The following CD226 variants were observed in gnomAD, a reference collection of about 807,000 sequenced individuals.
CD226 encodes CD226 antigen.
CD226 carries 24 observed loss-of-function variants against 34.9 expected under a neutral mutation model. That is an observed-to-expected ratio of 0.69 (90% CI 0.50 to 0.97). The LOEUF (loss-of-function observed/expected upper bound fraction) is 0.97, where lower values mean the gene tolerates loss of function less well. Ranked by LOEUF, CD226 falls within the 50% of genes least tolerant of loss-of-function variation. CD226 has a pLI of 0.00. For missense variants in CD226, 397 were observed against 412.7 expected, an observed-to-expected ratio of 0.96 and a Z score of 0.33; for synonymous variants, 148 against 147.4, an observed-to-expected ratio of 1.00 and a Z score of -0.03.
At chr18:69,883,890 C>T (rs1984409442) in intron 3 of CD226, among the ~76,000 whole-genome samples, 1 of 152,262 alleles carries the variant, frequency 6.6e-6, no homozygotes, top group Non-Finnish European at 1.5e-5. Context: ...ACACAGCTTT[C>T]AGCCTGTACC....
In CD226 at chr18:69,861,766, T is replaced by G. The variant is rs981910759; in HGVS notation, c.*2548A>C. On this transcript the variant is annotated 3_prime_UTR_variant, in exon 6 of 6. Coordinates refer to ENST00000582621, the MANE Select transcript of CD226 (RefSeq NM_001303618.2). ...CATACACTAGGGAGAGTCCCAAAAC[T>G]ATCACGAATTAAGAATGATGTTAAA... 3 of 151,706 alleles carry G rather than the reference T, an allele frequency of 2.0e-5. No homozygotes were observed. The highest frequency in any genetic ancestry group is 4.4e-5 in the Non-Finnish European group (3 of 67,876). 9.4% of individuals were successfully genotyped at this position (151,706 alleles called of 1,614,324 possible).
chr18:69,941,956 TG>T (rs1190374753), intron 2 of CD226, among the ~76,000 whole-genome samples: 2 of 152,212 alleles, frequency 1.3e-5, no homozygotes, highest in Admixed American at 1.3e-4. Flanking sequence ...GTCACCTTCA[TG>T]CTGTTCTGGT....
intron 3 of CD226, among the ~76,000 whole-genome samples, chr18:69,873,955 C>T (rs1790943): frequency 0.97 from 148,290 of 152,306 alleles, 72,337 homozygotes; most frequent in East Asian, 1. Context: ...GAATATAACT[C>T]TGATGTTTAT....
chr18:69,938,328 A>C (rs2055680593), intron 2 of CD226, among the ~76,000 whole-genome samples: 1 of 152,148 alleles, frequency 6.6e-6, no homozygotes, highest in Non-Finnish European at 1.5e-5. Context: ...TATGCCCTCT[A>C]CATTCTTTAA....
At position 69,861,915 on chromosome 18, in the gene CD226, T is replaced by G. The variant is rs1048876054; in HGVS notation, c.*2399A>C. 1.3e-5 allele frequency: 2 copies of G among 152,084 alleles called. No individual in the cohort carries two copies. The highest frequency in any genetic ancestry group is 1.9e-4 in the East Asian group (1 of 5,180). 9.4% of individuals were successfully genotyped at this position (152,084 alleles called of 1,614,324 possible). A position where few individuals can be genotyped will look rare whatever the true frequency, so the allele number is the denominator to read the frequency against. ...GCATCAGAAGACGTCAGAGAATTTT[T>G]GGGAGGACTTCAGATGGCTCCAAAT... On this transcript the variant is annotated 3_prime_UTR_variant, in exon 6 of 6. Coordinates refer to ENST00000582621, the MANE Select transcript of CD226 (RefSeq NM_001303618.2).
intron 2 of CD226, among the ~76,000 whole-genome samples, chr18:69,931,222 G>A (rs965821903): frequency 1.3e-5 from 2 of 152,002 alleles, no homozygotes; most frequent in African/African-American, 2.4e-5. Flanking sequence ...TCACACACCA[G>A]GAACTGTTGT....
chr18:69,961,118 A>G (rs934910314), upstream of CD226, among the ~76,000 whole-genome samples: 14 of 152,238 alleles, frequency 9.2e-5, no homozygotes, highest in Admixed American at 2.6e-4. Context: ...GCTTTATTGT[A>G]TATCCTATCC....
chr18:69,891,935 G>A (rs1219967376), intron 3 of CD226, among the ~76,000 whole-genome samples: 5 of 152,186 alleles, frequency 3.3e-5, no homozygotes, highest in East Asian at 3.9e-4. Context: ...AACCTACCTC[G>A]TCCCATATTA....
chr18:69,882,904 G>A (rs1365237915), intron 3 of CD226, among the ~76,000 whole-genome samples: 2 of 152,176 alleles, frequency 1.3e-5, no homozygotes, highest in African/African-American at 2.4e-5. Flanking sequence ...TAGACCTCAA[G>A]CAGTCCTACT....
intron 3 of CD226, among the ~76,000 whole-genome samples, chr18:69,887,863 C>A (rs1341297324): frequency 2.6e-5 from 4 of 152,160 alleles, no homozygotes; most frequent in Non-Finnish European, 5.9e-5. Context: ...ACCAAAAAAA[C>A]TTATATTCCT....
In CD226 at chr18:69,947,758, T is replaced by A. The variant is rs1257327365; in HGVS notation, c.-352A>T. On this transcript the variant is annotated 5_prime_UTR_variant, in exon 1 of 6. Coordinates refer to ENST00000582621, the MANE Select transcript of CD226 (RefSeq NM_001303618.2). ...ATACAATAATACAAAAAAAAAAAAA[T>A]ATTGCCATGATAGAACTTACATTCT... 5.9e-6 allele frequency: 1 copy of A among 170,084 alleles called. No individual in the cohort carries two copies. Among genetic ancestry groups the A allele is most frequent in the Non-Finnish European group, 1.2e-5 (1 of 81,396 alleles). The allele number at this position is 170,084 out of a possible 1,614,324, so 10.5% of individuals were successfully genotyped here.
chr18:69,925,306 C>A (rs772830163), intron 2 of CD226, among the ~76,000 whole-genome samples: 2 of 152,066 alleles, frequency 1.3e-5, no homozygotes, highest in African/African-American at 2.4e-5. Flanking sequence ...TCGTGCATAA[C>A]CAAATACAAA....
intron 2 of CD226, among the ~76,000 whole-genome samples, chr18:69,917,056 A>T (rs544204424): frequency 6.6e-6 from 1 of 152,260 alleles, no homozygotes; most frequent in Non-Finnish European, 1.5e-5. Flanking sequence ...CCACTTGAAC[A>T]GGTTCTTATC....
intron 3 of CD226, among the ~76,000 whole-genome samples, chr18:69,888,303 T>C (rs536617343): frequency 9.2e-5 from 14 of 152,376 alleles, no homozygotes; most frequent in Non-Finnish European, 1.6e-4. Context: ...CAGGTGCTTT[T>C]AGAATGTAAA....
intron 2 of CD226, among the ~76,000 whole-genome samples, chr18:69,943,959 T>C (rs1320238399): frequency 6.6e-6 from 1 of 151,258 alleles, no homozygotes; most frequent in Non-Finnish European, 1.5e-5. Context: ...AACTAGGATT[T>C]CTAGATTCCA....
At chr18:69,887,868 A>G (rs553871315) in intron 3 of CD226, among the ~76,000 whole-genome samples, 2 of 152,356 alleles carry the variant, frequency 1.3e-5, no homozygotes, top group South Asian at 4.1e-4. Flanking sequence ...AAAAACTTAT[A>G]TTCCTGTTGA....
At chr18:69,916,268 T>C (rs2055384669) in intron 2 of CD226, among the ~76,000 whole-genome samples, 1 of 152,194 alleles carries the variant, frequency 6.6e-6, no homozygotes, top group Non-Finnish European at 1.5e-5. Context: ...TGTGGTTACT[T>C]ATAAAATCAT....
intron 3 of CD226, among the ~76,000 whole-genome samples, chr18:69,892,803 G>A (rs970852477): frequency 3.3e-5 from 5 of 151,772 alleles, no homozygotes; most frequent in South Asian, 4.2e-4. Context: ...GTATGAATAT[G>A]AGAGTCCTAA....
intron 5 of CD226, among the ~76,000 whole-genome samples, chr18:69,866,856 C>G (rs575811451): frequency 2.0e-5 from 3 of 152,212 alleles, no homozygotes; most frequent in Admixed American, 2.0e-4. Flanking sequence ...CAGCTGAGAA[C>G]AGTGATGAGA....
Sources: gnomAD v4.1 joint callset for allele counts (sites outside exome capture counted in the v4.1 genomes callset) on GRCh38, gnomAD v4.1.1 for gene constraint, MANE v1.5 for transcripts, NCBI Gene and HGNC (gene_info 2026-07-23, HGNC 2026-07-21) for gene names.